Variants in GPKOW observed in about 807,000 individuals in gnomAD.
GPKOW encodes G-patch domain and KOW motifs-containing protein.
For missense variants in GPKOW, 359 were observed against 404.7 expected (o/e 0.89, Z 0.97); for synonymous variants, 167 against 159.1 (o/e 1.05, Z -0.37).
chrX:49,123,459 C>T lies in GPKOW; in HGVS notation c.176+88G>A. ...GCTGTGCTTCAGGCTTAACAGGTCACTGTCACCAAGACAAACAACTGAGAT... is the reference window on the plus strand; with the variant it reads ...GCTGTGCTTCAGGCTTAACAGGTCATTGTCACCAAGACAAACAACTGAGAT... On this transcript the variant is annotated intron_variant, in intron 1 of 10. Transcript: ENST00000156109. 3 of 946,922 alleles carry T rather than the reference C, an allele frequency of 3.2e-6. No homozygotes were observed. The East Asian group carries it at 1.0e-4, about 32-fold the overall frequency. The allele number at this position is 946,922 out of a possible 1,213,427, so 78.0% of individuals were successfully genotyped here.
Position 49,113,510 on chromosome X carries a change from G to T in GPKOW, c.*111C>A. On this transcript the variant is annotated 3_prime_UTR_variant, in exon 11 of 11. Transcript: ENST00000156109. Reference sequence around the variant, plus strand: ...TCCCTTTCCCTTGTCCTTGTCCCAGGACTGCACCAGAAGTAGAGGATGGAA... The same window carrying T: ...TCCCTTTCCCTTGTCCTTGTCCCAGTACTGCACCAGAAGTAGAGGATGGAA... 1.3e-6 allele frequency: 1 copy of T among 752,826 alleles called. No individual in the cohort carries two copies. The highest frequency in any genetic ancestry group is 2.0e-6 in the Non-Finnish European group (1 of 497,296). 62.0% of individuals were successfully genotyped at this position (752,826 alleles called of 1,213,427 possible). A position where few individuals can be genotyped will look rare whatever the true frequency, so the allele number is the denominator to read the frequency against.
intron 3 of GPKOW, among the ~76,000 whole-genome samples, chrX:49,121,406 C>T (rs1051145722): frequency 2.7e-5 from 3 of 110,751 alleles, no homozygotes; most frequent in South Asian, 3.8e-4. Context: ...CCAGCCTGGG[C>T]GACAGGGCAA....
chrX:49,116,210 C>T lies in GPKOW; in HGVS notation c.1016+11G>A. 6 of 1,165,908 alleles carry T rather than the reference C, an allele frequency of 5.1e-6. No homozygotes were observed. Among genetic ancestry groups the T allele is most frequent in the Non-Finnish European group, 7.0e-6 (6 of 853,660 alleles). On this transcript the variant is annotated intron_variant, in intron 7 of 10. Transcript: ENST00000156109. ...GCCTTCTTGACCCCTCCCGCATGCTCAGAGTCCCACCGGTCTGGAAGGTGT... is the reference window on the plus strand; with the variant it reads ...GCCTTCTTGACCCCTCCCGCATGCTTAGAGTCCCACCGGTCTGGAAGGTGT...
chrX:49,118,683 G>A (rs1488582493), intron 4 of GPKOW, among the ~76,000 whole-genome samples: 1 of 91,266 alleles, frequency 1.1e-5, no homozygotes, highest in African/African-American at 4.1e-5. Flanking sequence ...AGGTCGCAGC[G>A]AGCCGAGATT....
chrX:49,119,661 G>A (rs368861138), intron 4 of GPKOW, 44 bp downstream of exon 4: 71 of 807,143 alleles, frequency 8.8e-5, no homozygotes, highest in Non-Finnish European at 1.2e-4. Context: ...CTTGATTGCA[G>A]CCTGATGATC....
At chrX:49,116,147 G>A in intron 7 of GPKOW, 74 bp downstream of exon 7, 5 of 1,108,467 alleles carry the variant, frequency 4.5e-6, no homozygotes, top group Admixed American at 2.2e-5. Flanking sequence ...CCTTGCCTTG[G>A]AAGCCTTCCC....
In GPKOW at chrX:49,114,922, C is replaced by CAA. The variant is rs1169588195; in HGVS notation, c.1210+802_1210+803dup. ...CCTGGGTGACAGAGTGACTCTGTTTCAAAAAAAAAAAAAAAAAAAAAAAAA... is the reference window on the plus strand; with the variant it reads ...CCTGGGTGACAGAGTGACTCTGTTTCAAAAAAAAAAAAAAAAAAAAAAAAAAA... On this transcript the variant is annotated intron_variant, in intron 9 of 10. Coordinates refer to ENST00000156109, the MANE Select transcript of GPKOW (RefSeq NM_015698.6). Among the ~76,000 whole-genome samples, 52 of 45,570 alleles carry CAA rather than the reference C, an allele frequency of 1.1e-3. 3 individuals are homozygous for CAA. The highest frequency in any genetic ancestry group is 6.2e-3 in the African/African-American group (49 of 7,858). 39.6% of individuals were successfully genotyped at this position (45,570 alleles called of 115,157 possible). A position where few individuals can be genotyped will look rare whatever the true frequency, so the allele number is the denominator to read the frequency against.
intron 6 of GPKOW, among the ~76,000 whole-genome samples, 182 bp downstream of exon 6, chrX:49,116,848 C>T (rs2065195449): frequency 9.0e-6 from 1 of 111,608 alleles, no homozygotes; most frequent in Non-Finnish European, 1.9e-5. Flanking sequence ...GACCTTTCTC[C>T]AATCAAATGG....
Position 49,123,692 on chromosome X carries a change from G to C in GPKOW, c.31C>G (p.Leu11Val), listed in dbSNP as rs1396419142. MADSKEGVLP[L>V]TAASTAPISF... ...ATTGGGGCAGTGGAAGCAGCCGTCAGCGGCAAAACACCCTCTTTGGAGTCA... is the reference window on the plus strand; with the variant it reads ...ATTGGGGCAGTGGAAGCAGCCGTCACCGGCAAAACACCCTCTTTGGAGTCA... Residue 11 changes from leucine (L) to valine (V), a missense_variant, in exon 1 of 11, where the codon CTG becomes GTG. Leu to Val is a conservative substitution (Grantham distance 32). Coordinates refer to ENST00000156109, the MANE Select transcript of GPKOW (RefSeq NM_015698.6). The C allele has an allele frequency of 5.8e-6, 7 of 1,206,039 alleles. No homozygotes were observed. The highest frequency in any genetic ancestry group is 7.8e-6 in the Non-Finnish European group (7 of 892,888).
rs782116876 is a variant in GPKOW, at chrX:49,115,680, A to C, written c.1210+46T>G. On this transcript the variant is annotated intron_variant, in intron 9 of 10. Coordinates refer to ENST00000156109, the MANE Select transcript of GPKOW (RefSeq NM_015698.6). ...TTGCCTGGGCCAGGCTCTGGGCCTA[A>C]AACACTCTTCTTGATCAACCTCCAG... is the stretch of plus-strand genomic sequence containing the variant. 1.8e-5 allele frequency: 20 copies of C among 1,111,279 alleles called. No homozygotes were observed. In the South Asian group the frequency reaches 3.7e-4, roughly 20 times the overall value. 91.6% of individuals were successfully genotyped at this position (1,111,279 alleles called of 1,213,427 possible).
intron 9 of GPKOW, among the ~76,000 whole-genome samples, chrX:49,115,506 C>CT (rs2065189780): frequency 1.1e-4 from 1 of 8,850 alleles, no homozygotes. Flanking sequence ...GACTCTGTCT[C>CT]AAAAAAAAAA....
At chrX:49,113,979 C>T (rs887390657) in intron 9 of GPKOW, 41 bp from the exon 10 acceptor site, 2 of 934,730 alleles carry the variant, frequency 2.1e-6, no homozygotes, top group Middle Eastern at 2.7e-4. Context: ...ACAGCAAGGA[C>T]CAGCCCAACC....
At chrX:49,119,336 T>G (rs945884093) in intron 4 of GPKOW, among the ~76,000 whole-genome samples, 1 of 110,553 alleles carries the variant, frequency 9.0e-6, no homozygotes, top group East Asian at 2.8e-4. Flanking sequence ...CTCAAACTCC[T>G]GGAGTTAAGT....
chrX:49,118,081 C>T (rs1222368802), intron 4 of GPKOW, among the ~76,000 whole-genome samples: 11 of 109,339 alleles, frequency 1.0e-4, no homozygotes, highest in East Asian at 5.9e-4. Flanking sequence ...CCACCATGCC[C>T]GGCTAATTTT....
chrX:49,123,033 A>G (rs1195428468), intron 1 of GPKOW, among the ~76,000 whole-genome samples: 1 of 111,178 alleles, frequency 9.0e-6, no homozygotes, highest in Non-Finnish European at 1.9e-5. Context: ...CGGCTTCTAC[A>G]ATGGCCCACA....
chrX:49,122,745 C>T lies in GPKOW; in HGVS notation c.208G>A (p.Val70Ile), dbSNP rs782464772. 2.5e-6 allele frequency: 3 copies of T among 1,210,307 alleles called. No homozygotes were observed. Among genetic ancestry groups the T allele is most frequent in the Non-Finnish European group, 3.4e-6 (3 of 894,355 alleles). ...TGGCCATTCTGGATCAAAGGGATGA[C>T]GAGTTCCTTGGGGGCCTCCTGGGGC... The part of the protein sequence containing the change: ...VKPQEAPKEL[V>I]IPLIQNGHRR... The change falls in exon 2 of 11, where the codon GTC becomes ATC. Residue 70 changes from valine to isoleucine, a missense_variant. Coordinates refer to ENST00000156109, the MANE Select transcript of GPKOW (RefSeq NM_015698.6).
rs782255211 is a variant in GPKOW at position 49,122,746 on chromosome X, G to C, written c.207C>G (p.Leu69=). ...GGCCATTCTGGATCAAAGGGATGAC[G>C]AGTTCCTTGGGGGCCTCCTGGGGCT... is the stretch of plus-strand genomic sequence containing the variant. ...SVKPQEAPKE[L]VIPLIQNGHR... The change falls in exon 2 of 11, where the codon CTC becomes CTG. Residue 69 remains leucine (L), a synonymous_variant. Coordinates refer to ENST00000156109, the MANE Select transcript of GPKOW (RefSeq NM_015698.6). 4 of 1,208,481 alleles carry C rather than the reference G, an allele frequency of 3.3e-6. No homozygotes were observed. The East Asian group carries it at 8.9e-5, about 27-fold the overall frequency.
chrX:49,119,426 A>G (rs1240377872), intron 4 of GPKOW, among the ~76,000 whole-genome samples: 2 of 111,493 alleles, frequency 1.8e-5, no homozygotes, highest in East Asian at 5.6e-4. Context: ...AATTTCATTT[A>G]ACTCTCACAA....
chrX:49,116,733 G>A (rs1320359146), intron 6 of GPKOW, among the ~76,000 whole-genome samples: 2 of 111,822 alleles, frequency 1.8e-5, no homozygotes, highest in Non-Finnish European at 1.9e-5. Flanking sequence ...CCTAGTAAAA[G>A]AGAGGTTCAT....
Sources: gnomAD v4.1 joint callset for allele counts (sites outside exome capture counted in the v4.1 genomes callset) on GRCh38, gnomAD v4.1.1 for gene constraint, MANE v1.5 for transcripts, NCBI Gene and HGNC (gene_info 2026-07-23, HGNC 2026-07-21) for gene names.